The following TP53BP1 variants were observed in gnomAD, a reference collection of about 807,000 sequenced individuals.
The protein encoded by TP53BP1 is TP53-binding protein 1.
In TP53BP1, 61 loss-of-function variants were observed where a neutral mutation model predicts 200.8. The observed-to-expected ratio is 0.30, with a 90% CI of 0.25 to 0.38. The LOEUF is 0.38. TP53BP1 is among the 10% of genes least tolerant of loss of function. TP53BP1 has a pLI of 1.00. For synonymous variants in TP53BP1, 822 were observed against 844.3 expected (o/e 0.97, Z 0.46); for missense variants, 2,144 against 2,371.9 (o/e 0.90, Z 2.00).
In TP53BP1 at chr15:43,405,672, CTT is replaced by C. The variant is rs548265129; in HGVS notation, c.*1709_*1710del. On this transcript the variant is annotated 3_prime_UTR_variant, in exon 28 of 28. Coordinates refer to ENST00000382044, the MANE Select transcript of TP53BP1 (RefSeq NM_001141980.3). ...GTAAGAAAGCAACAGGTAAGATAGGCTTTCTCTCTCCCTATACCAAGTAATTT... is the reference window on the plus strand; with the variant it reads ...GTAAGAAAGCAACAGGTAAGATAGGCTCTCTCTCCCTATACCAAGTAATTT... 1.8e-4 allele frequency: 29 copies of C among 161,872 alleles called. No individual in the cohort carries two copies. Among genetic ancestry groups the C allele is most frequent in the African/African-American group, 6.7e-4 (28 of 41,706 alleles). 10.0% of individuals were successfully genotyped at this position (161,872 alleles called of 1,614,324 possible).
chr15:43,487,051 A>G (rs2079056484), intron 4 of TP53BP1, among the ~76,000 whole-genome samples: 1 of 152,216 alleles, frequency 6.6e-6, no homozygotes, highest in Non-Finnish European at 1.5e-5. Context: ...AGTGGGAGAA[A>G]ATATTTGCAA....
chr15:43,485,352 C>G (rs947792377), intron 4 of TP53BP1, among the ~76,000 whole-genome samples: 1 of 151,288 alleles, frequency 6.6e-6, no homozygotes, highest in South Asian at 2.1e-4. Flanking sequence ...CTGAGGCGGG[C>G]GGATCACGAG....
At chr15:43,452,474 G>A (rs1325378278) in intron 12 of TP53BP1, among the ~76,000 whole-genome samples, 1 of 150,600 alleles carries the variant, frequency 6.6e-6, no homozygotes. Flanking sequence ...GAAGTGGGAG[G>A]ATCACCTGAG....
At chr15:43,472,903 C>T (rs573813447) in intron 10 of TP53BP1, among the ~76,000 whole-genome samples, 30 of 152,266 alleles carry the variant, frequency 2.0e-4, no homozygotes, top group Non-Finnish European at 3.1e-4. Flanking sequence ...AATGAAGCCG[C>T]GGACCCTCAC....
At chr15:43,441,715 G>GTT in intron 14 of TP53BP1, 132 bp from the exon 15 acceptor site, 3 of 639,180 alleles carry the variant, frequency 4.7e-6, no homozygotes, top group Middle Eastern at 5.9e-4. Context: ...AGTAAAACTA[G>GTT]TAAGTATAAA....
At chr15:43,509,973 T>C (rs1312090883) in intron 1 of TP53BP1, among the ~76,000 whole-genome samples, 1 of 152,108 alleles carries the variant, frequency 6.6e-6, no homozygotes, top group African/African-American at 2.4e-5. Flanking sequence ...AAGACTACTC[T>C]GGAGTGTGGA....
chr15:43,410,098 T>G (rs2045067957), intron 24 of TP53BP1, among the ~76,000 whole-genome samples: 1 of 152,216 alleles, frequency 6.6e-6, no homozygotes, highest in African/African-American at 2.4e-5. Flanking sequence ...GTTCCCTTTG[T>G]GTCTATCCTA....
intron 24 of TP53BP1, among the ~76,000 whole-genome samples, chr15:43,412,049 CCTAT>C (rs772520954): frequency 6.6e-6 from 1 of 152,154 alleles, no homozygotes; most frequent in Non-Finnish European, 1.5e-5. Flanking sequence ...TCCCACTGTG[CCTAT>C]CTGATTGTTT....
At chr15:43,495,433 A>G (rs766689169), upstream of TP53BP1, among the ~76,000 whole-genome samples, 1 of 150,362 alleles carries the variant, frequency 6.7e-6, no homozygotes, top group Admixed American at 6.7e-5. Context: ...CTGGAGGCGT[A>G]GGTTACAGTG....
chr15:43,479,812 T>TTTA, intron 6 of TP53BP1, 47 bp downstream of exon 6: 1 of 1,602,628 alleles, frequency 6.2e-7, no homozygotes, highest in Non-Finnish European at 8.5e-7. Flanking sequence ...ACCTCTAATA[T>TTTA]GGGAGAAAAC....
At chr15:43,481,169 A>G in intron 4 of TP53BP1, 147 bp from the exon 5 acceptor site, 10 of 800,604 alleles carry the variant, frequency 1.2e-5, no homozygotes, top group Non-Finnish European at 1.4e-5. Context: ...TCTTTCTACA[A>G]AAAGCACCTA....
At chr15:43,478,590 T>C (rs2078916646) in intron 7 of TP53BP1, among the ~76,000 whole-genome samples, 1 of 152,154 alleles carries the variant, frequency 6.6e-6, no homozygotes. Flanking sequence ...TAATGAAGCT[T>C]TGGTTATAAA....
intron 1 of TP53BP1, among the ~76,000 whole-genome samples, chr15:43,505,907 G>A (rs371270686): frequency 2.4e-4 from 36 of 152,106 alleles, no homozygotes; most frequent in African/African-American, 6.8e-4. Flanking sequence ...AATCCAACAC[G>A]CCTCTCTCTG....
chr15:43,409,831 C>T lies in TP53BP1; in HGVS notation c.5306-90G>A. 5.1e-6 allele frequency: 3 copies of T among 585,518 alleles called. No homozygotes were observed. In the South Asian group the frequency reaches 7.7e-5, roughly 15 times the overall value. 36.3% of individuals were successfully genotyped at this position (585,518 alleles called of 1,614,324 possible). On this transcript the variant is annotated intron_variant, in intron 24 of 27. Transcript: ENST00000382044. ...CTCCTTCTTACTGCCCCCTTTTCCA[C>T]TCCCCAGCTATCCACAACAGTGTGT...
chr15:43,443,197 A>G (rs2045968799), intron 14 of TP53BP1, among the ~76,000 whole-genome samples: 1 of 152,190 alleles, frequency 6.6e-6, no homozygotes, highest in South Asian at 2.1e-4. Flanking sequence ...AGAAGTTAAA[A>G]AAGTATGTAA....
At chr15:43,477,076 G>A (rs530374722) in intron 8 of TP53BP1, among the ~76,000 whole-genome samples, 8 of 152,218 alleles carry the variant, frequency 5.3e-5, no homozygotes, top group East Asian at 3.9e-4. Flanking sequence ...CAAGGCAGGC[G>A]GATCACAAGG....
rs1334204495 is a variant in TP53BP1, at chr15:43,415,826, C to A, written c.4874-17G>T. The A allele has an allele frequency of 1.2e-6, 2 of 1,610,508 alleles. No individual in the cohort carries two copies. The highest frequency in any genetic ancestry group is 2.7e-5 in the African/African-American group (2 of 74,984). On this transcript the variant is annotated splice_polypyrimidine_tract_variant and intron_variant, in intron 22 of 27. Transcript: ENST00000382044. ...CCAAATTGTCTATGGCAGGATAAGC[C>A]AAACAGGTTGGTCAAACTCTATGGT...
chr15:43,404,320 G>T lies in TP53BP1; in HGVS notation c.*3063C>A. ...GTGGTTCTGTAGAATTTTGAACAAG[G>T]CTTTTCCAAGAAACTCCTCCCTCCG... On this transcript the variant is annotated 3_prime_UTR_variant, in exon 28 of 28. Transcript: ENST00000382044. 1.3e-6 allele frequency: 2 copies of T among 1,505,128 alleles called. No individual in the cohort carries two copies. The highest frequency in any genetic ancestry group is 1.3e-5 in the South Asian group (1 of 78,286). The allele number at this position is 1,505,128 out of a possible 1,614,324, so 93.2% of individuals were successfully genotyped here.
At chr15:43,503,518 G>A (rs752303590) in intron 1 of TP53BP1, among the ~76,000 whole-genome samples, 3 of 152,160 alleles carry the variant, frequency 2.0e-5, no homozygotes, top group Non-Finnish European at 2.9e-5. Context: ...AATTAGCCGG[G>A]CATGGTGGCC....
Sources: allele counts gnomAD v4.1 joint callset (sites outside exome capture counted in the v4.1 genomes callset), GRCh38; gene constraint gnomAD v4.1.1; transcripts MANE v1.5; gene names NCBI Gene and HGNC (gene_info 2026-07-23, HGNC 2026-07-21).